Variants in ASS1 observed in about 807,000 individuals in gnomAD.
ASS1 encodes argininosuccinate synthase.
In ASS1, 58 loss-of-function variants were observed where a neutral mutation model predicts 60.5. That is an observed-to-expected ratio of 0.96 (90% confidence interval 0.78 to 1.19). The LOEUF (loss-of-function observed/expected upper bound fraction) is 1.19. ASS1 is among the 50% of genes most tolerant of loss of function. The pLI is 0.00. For synonymous variants in ASS1, 200 were observed against 206.9 expected, an observed-to-expected ratio of 0.97 and a Z score of 0.29; for missense variants, 454 against 547.3, an observed-to-expected ratio of 0.83 and a Z score of 1.70.
intron 3 of ASS1, among the ~76,000 whole-genome samples, chr9:130,454,882 T>C (rs1051893676): frequency 6.8e-6 from 1 of 147,444 alleles, no homozygotes; most frequent in Non-Finnish European, 1.5e-5. Context: ...CATCCACCCA[T>C]CCATCCATCA....
At chr9:130,451,085 A>G (rs1194354437) in intron 1 of ASS1, among the ~76,000 whole-genome samples, 2 of 152,168 alleles carry the variant, frequency 1.3e-5, no homozygotes, top group African/African-American at 4.8e-5. Context: ...AATTGGACAC[A>G]GTGAAGACGC....
chr9:130,471,522 C>A lies in ASS1; in HGVS notation c.597+7C>A. On this transcript the variant is annotated splice_region_variant and intron_variant, in intron 8 of 14. Coordinates refer to ENST00000352480, the MANE Select transcript of ASS1 (RefSeq NM_054012.4). ...AATCCTGGAGAACCCCAAGGTAATC[C>A]CCCAAACCCCATCTCCTCCCAGCTG... is the stretch of plus-strand genomic sequence containing the variant. 1 of 1,613,822 alleles carries A rather than the reference C, an allele frequency of 6.2e-7. No individual in the cohort carries two copies. Among genetic ancestry groups the A allele is most frequent in the Non-Finnish European group, 8.5e-7 (1 of 1,179,746 alleles).
chr9:130,500,941 T>C, intron 14 of ASS1, 35 bp from the exon 15 acceptor site: 7 of 1,607,914 alleles, frequency 4.4e-6, no homozygotes, highest in Middle Eastern at 3.3e-4. Context: ...TTATTGTTAA[T>C]TTACATTTTT....
intron 6 of ASS1, among the ~76,000 whole-genome samples, chr9:130,467,101 G>C (rs1406468308): frequency 6.6e-6 from 1 of 152,084 alleles, no homozygotes; most frequent in Admixed American, 6.5e-5. Context: ...GCGGAGACCA[G>C]AGCCCTGCTT....
chr9:130,454,805 TCCATCACCCAC>T (rs1353560952), intron 3 of ASS1, among the ~76,000 whole-genome samples: 1 of 143,416 alleles, frequency 7.0e-6, no homozygotes, highest in African/African-American at 2.8e-5. Flanking sequence ...CATCCATCCA[TCCATCACCCAC>T]CCATCCATTC....
intron 11 of ASS1, among the ~76,000 whole-genome samples, chr9:130,487,481 G>A (rs1461676921): frequency 6.6e-6 from 1 of 151,418 alleles, no homozygotes; most frequent in South Asian, 2.1e-4. Context: ...TAAGCGTGCC[G>A]CTCAACGGCA....
chr9:130,477,090 G>C lies in ASS1; in HGVS notation c.688+129G>C. ...ATTCCTGGAAGCTAGAGTTCAGGCA[G>C]GGGCTTCAAGGTAACGCACAGCCCA... On this transcript the variant is annotated intron_variant, in intron 9 of 14. Coordinates refer to ENST00000352480, the MANE Select transcript of ASS1 (RefSeq NM_054012.4). The surrounding 1 kb of genome is among the most constrained non-coding windows in gnomAD (Gnocchi z 4.2). 2.1e-6 allele frequency: 2 copies of C among 973,906 alleles called. No homozygotes were observed. Among genetic ancestry groups the C allele is most frequent in the Non-Finnish European group, 3.2e-6 (2 of 630,240 alleles). 60.3% of individuals were successfully genotyped at this position (973,906 alleles called of 1,614,324 possible). A position where few individuals can be genotyped will look rare whatever the true frequency, so the allele number is the denominator to read the frequency against.
rs1374329656 is a variant in ASS1, at chr9:130,489,788, C to T, written c.970+324C>T. Reference sequence around the variant, plus strand: ...ATGCCAGGCACTGGGCACTGTGCGGCGACATGCATCACCCCGCATGGTCCT... The same window carrying T: ...ATGCCAGGCACTGGGCACTGTGCGGTGACATGCATCACCCCGCATGGTCCT... On this transcript the variant is annotated intron_variant, in intron 12 of 14. Transcript: ENST00000352480. This position sits in a 1 kb window ranked among gnomAD's most constrained non-coding sequence, Gnocchi z 4.1. Among the ~76,000 whole-genome samples the T allele has an allele frequency of 3.3e-5, 5 of 152,224 alleles. No homozygotes were observed. Among genetic ancestry groups the T allele is most frequent in the South Asian group, 2.1e-4 (1 of 4,836 alleles).
chr9:130,462,061 C>G (rs1158491581), intron 4 of ASS1, among the ~76,000 whole-genome samples: 1 of 152,298 alleles, frequency 6.6e-6, no homozygotes, highest in East Asian at 1.9e-4. Flanking sequence ...TTGAGCCGCA[C>G]TCTCCCCTCC....
At chr9:130,451,838 G>A (rs1261624630) in intron 1 of ASS1, 1 of 469,078 alleles carries the variant, frequency 2.1e-6, no homozygotes, top group South Asian at 1.5e-5. Context: ...AGCTGCCAGA[G>A]GCTCAGAGCC....
chr9:130,487,399 G>T (rs1266313517), intron 11 of ASS1, among the ~76,000 whole-genome samples: 1 of 81,470 alleles, frequency 1.2e-5, no homozygotes, highest in Non-Finnish European at 2.9e-5. Context: ...TATCCTTCAT[G>T]GTTTTTTTTT....
chr9:130,488,406 G>A lies in ASS1; in HGVS notation c.839-927G>A, dbSNP rs1846359537. ...GGCTTGCCCAAGGGCCAGCTCTGAA[G>A]TTGATGCGAGAGGTCGCACTCCTGG... On this transcript the variant is annotated intron_variant, in intron 11 of 14. Transcript: ENST00000352480. The surrounding 1 kb of genome is among the most constrained non-coding windows in gnomAD (Gnocchi z 5.2). 6.6e-6 allele frequency among the ~76,000 whole-genome samples: 1 copy of A among 152,244 alleles called. No homozygotes were observed. Among genetic ancestry groups the A allele is most frequent in the African/African-American group, 2.4e-5 (1 of 41,476 alleles).
At chr9:130,449,057 G>A (rs1468791297) in intron 1 of ASS1, among the ~76,000 whole-genome samples, 1 of 152,216 alleles carries the variant, frequency 6.6e-6, no homozygotes, top group Non-Finnish European at 1.5e-5. Flanking sequence ...ATGGCCGGAT[G>A]TAGTGGCCCA....
intron 11 of ASS1, among the ~76,000 whole-genome samples, chr9:130,487,649 A>AG (rs1846337867): frequency 6.6e-6 from 1 of 151,932 alleles, no homozygotes; most frequent in Non-Finnish European, 1.5e-5. Flanking sequence ...TGATGACTCG[A>AG]GGGACCTCGC....
chr9:130,493,543 A>C (rs755736845), intron 12 of ASS1, among the ~76,000 whole-genome samples: 1 of 152,048 alleles, frequency 6.6e-6, no homozygotes, highest in Non-Finnish European at 1.5e-5. Flanking sequence ...CCATCCCAGA[A>C]GCCTGTCCCC....
chr9:130,469,842 G>A (rs1373135275), intron 6 of ASS1, among the ~76,000 whole-genome samples: 2 of 152,206 alleles, frequency 1.3e-5, no homozygotes, highest in Non-Finnish European at 2.9e-5. Context: ...CATCAGGAGA[G>A]AGATGGGAGG....
intron 3 of ASS1, among the ~76,000 whole-genome samples, chr9:130,457,959 G>A (rs1325323747): frequency 1.3e-5 from 2 of 152,142 alleles, no homozygotes; most frequent in African/African-American, 4.8e-5. Flanking sequence ...AGGGGTTCAA[G>A]ACCAACCTGG....
rs1845862107 is a variant in ASS1, at chr9:130,471,382, A to C, written c.567-103A>C. 3 of 1,445,434 alleles carry C rather than the reference A, an allele frequency of 2.1e-6. No individual in the cohort carries two copies. The East Asian group carries it at 6.8e-5, about 33-fold the overall frequency. The allele number at this position is 1,445,434 out of a possible 1,614,324, so 89.5% of individuals were successfully genotyped here. On this transcript the variant is annotated intron_variant, in intron 7 of 14. Coordinates refer to ENST00000352480, the MANE Select transcript of ASS1 (RefSeq NM_054012.4). ...CAGCAGATGCTCTGGCAGAGAGTAA[A>C]AGGCAGACCAGGCTCATGGGCACAA...
intron 4 of ASS1, among the ~76,000 whole-genome samples, chr9:130,463,393 G>T (rs1281363743): frequency 6.6e-6 from 1 of 152,222 alleles, no homozygotes; most frequent in Non-Finnish European, 1.5e-5. Context: ...ACAGCTCAGT[G>T]GGGTGTTGAG....
Sources: gnomAD v4.1 joint callset for allele counts (sites outside exome capture counted in the v4.1 genomes callset) on GRCh38, gnomAD v4.1.1 for gene constraint, Gnocchi (gnomAD v3.1) non-coding constraint, MANE v1.5 for transcripts, NCBI Gene and HGNC (gene_info 2026-07-23, HGNC 2026-07-21) for gene names.